Variants in ATE1 observed in about 807,000 individuals in gnomAD.
ATE1 encodes arginyltransferase 1, also known as arginyl-tRNA--protein transferase 1.
Under a neutral mutation model 70.5 loss-of-function variants are expected in ATE1, and 36 were observed. The ratio of observed to expected loss-of-function variants is 0.51; its 90% CI spans 0.39 to 0.67. ATE1 has a LOEUF of 0.67. Among genes scored for constraint, ATE1 ranks in the 30% least tolerant of loss-of-function variants. ATE1 has a pLI of 0.00. For synonymous variants in ATE1, 232 were observed against 219.3 expected, an observed-to-expected ratio of 1.06 and a Z score of -0.51; for missense variants, 593 against 629.5, an observed-to-expected ratio of 0.94 and a Z score of 0.62.
intron 5 of ATE1, 75 bp downstream of exon 5, chr10:121,910,831 A>G: frequency 1.9e-6 from 3 of 1,595,048 alleles, no homozygotes; most frequent in Non-Finnish European, 2.6e-6. Context: ...TGGCTGATGG[A>G]AAGACCCAGG....
At position 121,928,007 on chromosome 10, in the gene ATE1, C is replaced by G; in HGVS notation, c.-58G>C. ...CCCCGCGTCGCTAGCGCGGCCGCCG[C>G]CGCCACCCCACAATGCAGCGCGCCG... On this transcript the variant is annotated 5_prime_UTR_variant, in exon 1 of 12. Transcript: ENST00000224652. 7.2e-7 allele frequency: 1 copy of G among 1,392,034 alleles called. No individual in the cohort carries two copies. The highest frequency in any genetic ancestry group is 9.3e-7 in the Non-Finnish European group (1 of 1,069,880). 86.2% of individuals were successfully genotyped at this position (1,392,034 alleles called of 1,614,324 possible).
rs771548510 is a variant in ATE1 at position 121,874,981 on chromosome 10, GAA to G, written c.943-4945_943-4944del. 3.3e-4 allele frequency among the ~76,000 whole-genome samples: 29 copies of G among 88,996 alleles called. No individual in the cohort carries two copies. In the East Asian group the frequency reaches 4.0e-3, roughly 12 times the overall value. The allele number at this position is 88,996 out of a possible 152,430, so 58.4% of individuals were successfully genotyped here. On this transcript the variant is annotated intron_variant, in intron 7 of 11. Transcript: ENST00000224652. ...CAGTGAAACCCCATCTCTACTAAAA[GAA>G]AAAAAAAAAAAATACAAAAATTAGC... is the stretch of plus-strand genomic sequence containing the variant.
intron 11 of ATE1, among the ~76,000 whole-genome samples, chr10:121,786,479 C>T (rs373810869): frequency 3.3e-4 from 50 of 151,870 alleles, no homozygotes; most frequent in African/African-American, 1.1e-3. Flanking sequence ...GACAAGCCTA[C>T]GCAACGTAGC....
chr10:121,832,738 A>G lies in ATE1; in HGVS notation c.1257+3980T>C, dbSNP rs1177499683. Among the ~76,000 whole-genome samples, 10 of 152,288 alleles carry G rather than the reference A, an allele frequency of 6.6e-5. No individual in the cohort carries two copies. The East Asian group carries it at 1.5e-3, about 24-fold the overall frequency. ...CCTCTTTTTCTTCCCAGTCTCAGTT[A>G]TATCTTTATCAGCAGCGTGAAAACG... On this transcript the variant is annotated intron_variant, in intron 10 of 11. Transcript: ENST00000224652.
At chr10:121,773,621 C>G (rs570462652) in intron 11 of ATE1, among the ~76,000 whole-genome samples, 5 of 150,366 alleles carry the variant, frequency 3.3e-5, no homozygotes, top group African/African-American at 1.2e-4. Flanking sequence ...CTTCTTACAT[C>G]CAGGGACTTT....
At chr10:121,865,598 G>C (rs1163728957) in intron 8 of ATE1, among the ~76,000 whole-genome samples, 1 of 152,154 alleles carries the variant, frequency 6.6e-6, no homozygotes, top group Admixed American at 6.5e-5. Context: ...GTAAGGCCGG[G>C]GTCCGGTGTA....
intron 5 of ATE1, among the ~76,000 whole-genome samples, chr10:121,908,471 T>G (rs546586034): frequency 6.6e-6 from 1 of 152,222 alleles, no homozygotes; most frequent in South Asian, 2.1e-4. Flanking sequence ...GCCACAGCAC[T>G]CCAGCGTAGG....
chr10:121,752,786 T>C (rs768763686), intron 11 of ATE1, among the ~76,000 whole-genome samples: 6 of 152,322 alleles, frequency 3.9e-5, no homozygotes, highest in African/African-American at 9.6e-5. Context: ...GACCACATAG[T>C]GTTAACTTTA....
intron 6 of ATE1, among the ~76,000 whole-genome samples, chr10:121,900,716 G>T (rs549948414): frequency 6.6e-6 from 1 of 152,272 alleles, no homozygotes; most frequent in South Asian, 2.1e-4. Context: ...GCCGTGAGAC[G>T]TAATTCTATG....
intron 10 of ATE1, among the ~76,000 whole-genome samples, chr10:121,803,171 G>C (rs894631326): frequency 6.6e-6 from 1 of 152,048 alleles, no homozygotes; most frequent in Non-Finnish European, 1.5e-5. Flanking sequence ...CCTAAGAGCT[G>C]GGAGTACATC....
At chr10:121,903,733 T>A (rs1163772667) in intron 5 of ATE1, among the ~76,000 whole-genome samples, 1 of 152,040 alleles carries the variant, frequency 6.6e-6, no homozygotes, top group Non-Finnish European at 1.5e-5. Flanking sequence ...ATCTGTGTCT[T>A]TCTCCAAATA....
intron 8 of ATE1, 150 bp from the exon 9 acceptor site, chr10:121,841,413 G>T: frequency 2.1e-6 from 1 of 484,146 alleles, no homozygotes; most frequent in South Asian, 1.1e-4. Flanking sequence ...ATATTAAGCT[G>T]CAAAACTTTT....
intron 11 of ATE1, among the ~76,000 whole-genome samples, chr10:121,758,576 G>A (rs753196898): frequency 7.2e-5 from 11 of 152,100 alleles, no homozygotes; most frequent in African/African-American, 9.7e-5. Context: ...AGCCTCTACC[G>A]GAGGAAATAT....
chr10:121,743,523 T>C lies in ATE1; in HGVS notation c.*157A>G. Reference sequence around the variant, plus strand: ...ATATTAACTATGAGATTCTCACAGATACATTGCCACAAAATATTTTTTAAA... The same window carrying C: ...ATATTAACTATGAGATTCTCACAGACACATTGCCACAAAATATTTTTTAAA... On this transcript the variant is annotated 3_prime_UTR_variant, in exon 12 of 12. Coordinates refer to ENST00000224652, the MANE Select transcript of ATE1 (RefSeq NM_001001976.3). 4 of 1,314,642 alleles carry C rather than the reference T, an allele frequency of 3.0e-6. No homozygotes were observed. Among genetic ancestry groups the C allele is most frequent in the East Asian group, 2.8e-5 (1 of 35,958 alleles). The allele number at this position is 1,314,642 out of a possible 1,614,324, so 81.4% of individuals were successfully genotyped here.
intron 11 of ATE1, among the ~76,000 whole-genome samples, chr10:121,772,973 C>T (rs1945584253): frequency 6.6e-6 from 1 of 152,178 alleles, no homozygotes; most frequent in Non-Finnish European, 1.5e-5. Context: ...AGAGAATAAG[C>T]TTTGCTATGT....
At chr10:121,823,905 A>T (rs928824288) in intron 10 of ATE1, among the ~76,000 whole-genome samples, 12 of 152,214 alleles carry the variant, frequency 7.9e-5, no homozygotes, top group Non-Finnish European at 1.6e-4. Flanking sequence ...TCAATTCTTA[A>T]GTTCAAACTC....
intron 11 of ATE1, among the ~76,000 whole-genome samples, chr10:121,776,855 T>C (rs1200753544): frequency 6.6e-6 from 1 of 152,208 alleles, no homozygotes; most frequent in East Asian, 1.9e-4. Flanking sequence ...TGACCTCACC[T>C]AAAACTGCAA....
At position 121,827,778 on chromosome 10, in the gene ATE1, T is replaced by C. The variant is rs568258784; in HGVS notation, c.1257+8940A>G. Among the ~76,000 whole-genome samples the C allele has an allele frequency of 7.3e-4, 111 of 152,266 alleles. 1 individual carries two copies. Among genetic ancestry groups the C allele is most frequent in the African/African-American group, 2.6e-3 (109 of 41,576 alleles). Reference sequence around the variant, plus strand: ...TATGGTCATGGACAAAAAATATCTATGTAATGTAATGTAATGACTACAGAA... The same window carrying C: ...TATGGTCATGGACAAAAAATATCTACGTAATGTAATGTAATGACTACAGAA... On this transcript the variant is annotated intron_variant, in intron 10 of 11. Coordinates refer to ENST00000224652, the MANE Select transcript of ATE1 (RefSeq NM_001001976.3).
At chr10:121,817,844 A>G (rs1347202504) in intron 10 of ATE1, among the ~76,000 whole-genome samples, 2 of 152,200 alleles carry the variant, frequency 1.3e-5, no homozygotes, top group Non-Finnish European at 2.9e-5. Flanking sequence ...TCTATCATCA[A>G]CAAGGATGGT....
Sources: allele counts gnomAD v4.1 joint callset (sites outside exome capture counted in the v4.1 genomes callset), GRCh38; gene constraint gnomAD v4.1.1; transcripts MANE v1.5; gene names NCBI Gene and HGNC (gene_info 2026-07-23, HGNC 2026-07-21).